Variants in FSIP1 observed in about 807,000 individuals in gnomAD.
FSIP1 encodes the protein fibrous sheath-interacting protein 1.
In FSIP1, 65 loss-of-function variants were observed where a neutral mutation model predicts 60.9. The ratio of observed to expected loss-of-function variants is 1.07; its 90% confidence interval spans 0.87 to 1.31. The LOEUF (loss-of-function observed/expected upper bound fraction) is 1.31, where lower values mean the gene tolerates loss of function less well. FSIP1 is among the 40% of genes most tolerant of loss of function. The probability of loss-of-function intolerance (pLI) is 0.00; values close to 1 mark genes in which losing one functional copy is unlikely to be tolerated. For missense variants in FSIP1, 675 were observed against 665.5 expected (o/e 1.01, Z -0.16); for synonymous variants, 209 against 221.2 (o/e 0.94, Z 0.49).
intron 10 of FSIP1, among the ~76,000 whole-genome samples, chr15:39,681,288 GGTTTTTTGTTTTTT>G (rs926718122): frequency 6.2e-4 from 94 of 151,550 alleles, no homozygotes; most frequent in African/African-American, 2.2e-3. Context: ...TTTTGGCTTT[GGTTTTTTGTTTTTT>G]GTTTTTTTTC....
chr15:39,735,614 C>T (rs1038937128), intron 8 of FSIP1, among the ~76,000 whole-genome samples: 6 of 152,000 alleles, frequency 3.9e-5, no homozygotes, highest in African/African-American at 1.5e-4. Flanking sequence ...TAAACTTAGG[C>T]TACACTAAAT....
intron 10 of FSIP1, among the ~76,000 whole-genome samples, chr15:39,664,070 G>A (rs1388767206): frequency 1.3e-5 from 2 of 151,752 alleles, no homozygotes; most frequent in African/African-American, 4.8e-5. Flanking sequence ...GCCAGGGTGG[G>A]TGGGGGAAGG....
chr15:39,639,381 G>A (rs1437578045), intron 10 of FSIP1, among the ~76,000 whole-genome samples: 1 of 152,102 alleles, frequency 6.6e-6, no homozygotes, highest in Non-Finnish European at 1.5e-5. Flanking sequence ...TTGCCAGCAA[G>A]TGAAAAGCAA....
intron 10 of FSIP1, among the ~76,000 whole-genome samples, chr15:39,693,093 T>G (rs1042438035): frequency 1.3e-5 from 2 of 152,228 alleles, no homozygotes; most frequent in Admixed American, 6.5e-5. Flanking sequence ...GCCGCCAAAG[T>G]GCTGACTAAG....
intron 10 of FSIP1, among the ~76,000 whole-genome samples, chr15:39,711,676 C>CTTTTTTTTTTTTTTTT (rs66840718): frequency 2.3e-5 from 2 of 85,734 alleles, no homozygotes; most frequent in Non-Finnish European, 3.9e-5. Flanking sequence ...ATTCCTACTT[C>CTTTTTTTTTTTTTTTT]TTTTTTTTTT....
At chr15:39,646,547 A>AAAAAAG in intron 10 of FSIP1, among the ~76,000 whole-genome samples, 1 of 148,326 alleles carries the variant, frequency 6.7e-6, no homozygotes, top group African/African-American at 2.5e-5. Flanking sequence ...AAAAAAAAAA[A>AAAAAAG]GGCTGCGTTT....
At chr15:39,679,618 C>T (rs1894080014) in intron 10 of FSIP1, among the ~76,000 whole-genome samples, 1 of 151,876 alleles carries the variant, frequency 6.6e-6, no homozygotes, top group Non-Finnish European at 1.5e-5. Flanking sequence ...CAAAATAAAA[C>T]AAAAAACAAA....
intron 10 of FSIP1, among the ~76,000 whole-genome samples, chr15:39,662,949 C>CA (rs1893358671): frequency 1.3e-5 from 2 of 152,074 alleles, no homozygotes; most frequent in South Asian, 4.2e-4. Context: ...TTCTCACTGG[C>CA]AAAAAAACTA....
intron 9 of FSIP1, among the ~76,000 whole-genome samples, chr15:39,723,697 A>G (rs1416210664): frequency 6.6e-6 from 1 of 152,224 alleles, no homozygotes; most frequent in African/African-American, 2.4e-5. Flanking sequence ...ATGGAGAAAA[A>G]TTACTGGTGA....
At chr15:39,721,283 A>G (rs947830495) in intron 9 of FSIP1, among the ~76,000 whole-genome samples, 1 of 152,264 alleles carries the variant, frequency 6.6e-6, no homozygotes, top group Admixed American at 6.5e-5. Context: ...TACAGAGATA[A>G]GTCAGAAAGT....
chr15:39,701,448 T>C (rs1324080061), intron 10 of FSIP1, among the ~76,000 whole-genome samples: 1 of 152,200 alleles, frequency 6.6e-6, no homozygotes. Flanking sequence ...TAGAGAAACA[T>C]ATAACAACTT....
intron 10 of FSIP1, among the ~76,000 whole-genome samples, chr15:39,645,389 A>G (rs575925113): frequency 6.6e-6 from 1 of 150,812 alleles, no homozygotes; most frequent in East Asian, 2.0e-4. Flanking sequence ...CAGCCACCCA[A>G]ACTGCAGCTA....
At chr15:39,752,430 C>G (rs959433385) in intron 5 of FSIP1, among the ~76,000 whole-genome samples, 1 of 151,918 alleles carries the variant, frequency 6.6e-6, no homozygotes, top group Non-Finnish European at 1.5e-5. Context: ...AAAAATCTTA[C>G]AAATATTTCC....
Position 39,618,040 on chromosome 15 carries a change from A to T in FSIP1, c.1394T>A (p.Val465Glu). 6.2e-7 allele frequency: 1 copy of T among 1,614,132 alleles called. No homozygotes were observed. The highest frequency in any genetic ancestry group is 8.5e-7 in the Non-Finnish European group (1 of 1,180,004). Residue 465 changes from valine to glutamate, a missense_variant, in exon 11 of 12, where the codon GTA (valine) becomes GAA (glutamate). Coordinates refer to ENST00000350221, the MANE Select transcript of FSIP1 (RefSeq NM_152597.5). The part of the protein sequence containing the change: ...ESETKVQKTE[V>E]EDADMLESEE... Reference sequence around the variant, plus strand: ...ACTCTCAAGCATATCTGCATCTTCTACCTCAGTTTTCTGGACCTTTGTTTC... The same window carrying T: ...ACTCTCAAGCATATCTGCATCTTCTTCCTCAGTTTTCTGGACCTTTGTTTC...
In FSIP1 at chr15:39,739,670, T is replaced by C. The variant is rs775663967; in HGVS notation, c.775A>G (p.Ile259Val). Residue 259 changes from isoleucine (I) to valine (V), a missense_variant, in exon 7 of 12, where the codon ATT becomes GTT. Physicochemically the swap from Ile to Val is conservative, Grantham distance 29. Coordinates refer to ENST00000350221, the MANE Select transcript of FSIP1 (RefSeq NM_152597.5). The stretch of plus-strand genomic sequence containing the variant: ...CTGAATTTCTAAGTACATACCTCAA[T>C]GTTTCTCTTAATAAAATCCTGGTTG... ...KHNQDFIKRNIELAKESRNPV... is the reference protein window; with the variant it reads ...KHNQDFIKRNVELAKESRNPV... 2 of 1,592,976 alleles carry C rather than the reference T, an allele frequency of 1.3e-6. No individual in the cohort carries two copies. Among genetic ancestry groups the C allele is most frequent in the Admixed American group, 1.9e-5 (1 of 52,766 alleles).
chr15:39,640,912 C>T (rs1892342565), intron 10 of FSIP1, among the ~76,000 whole-genome samples: 1 of 152,174 alleles, frequency 6.6e-6, no homozygotes, highest in Non-Finnish European at 1.5e-5. Flanking sequence ...GTTACAGGTG[C>T]ATACTACTAA....
intron 10 of FSIP1, among the ~76,000 whole-genome samples, chr15:39,712,272 T>G (rs1895549400): frequency 6.6e-6 from 1 of 152,094 alleles, no homozygotes; most frequent in African/African-American, 2.4e-5. Flanking sequence ...AAGATGGGAT[T>G]GTGGCACACT....
intron 1 of FSIP1, among the ~76,000 whole-genome samples, chr15:39,777,206 C>G (rs73397118): frequency 1.3e-5 from 2 of 151,966 alleles, no homozygotes; most frequent in African/African-American, 4.8e-5. Context: ...AGTCCCCCTG[C>G]TACTTTCTTT....
intron 5 of FSIP1, among the ~76,000 whole-genome samples, chr15:39,753,026 T>C (rs1897209027): frequency 6.6e-6 from 1 of 152,114 alleles, no homozygotes; most frequent in Non-Finnish European, 1.5e-5. Flanking sequence ...AGAATTATTA[T>C]TTAAAAGACT....
Sources: allele counts gnomAD v4.1 joint callset (sites outside exome capture counted in the v4.1 genomes callset), GRCh38; gene constraint gnomAD v4.1.1; transcripts MANE v1.5; gene names NCBI Gene and HGNC (gene_info 2026-07-23, HGNC 2026-07-21).